PRKN: variants seen among roughly 807,000 people sequenced by gnomAD.
PRKN encodes the protein parkin RBR E3 ubiquitin protein ligase, also known as E3 ubiquitin-protein ligase parkin.
Under a neutral mutation model 59.5 loss-of-function variants are expected in PRKN, and 56 were observed. The observed-to-expected ratio is 0.94, with a 90% CI of 0.76 to 1.18. The LOEUF (loss-of-function observed/expected upper bound fraction) is 1.18. Among genes scored for constraint, PRKN ranks in the 50% most tolerant of loss-of-function variants. PRKN has a pLI of 0.00. For missense variants in PRKN, 657 were observed against 596.4 expected (o/e 1.10, Z -1.06); for synonymous variants, 250 against 222.1 (o/e 1.13, Z -1.12).
At chr6:162,088,120 T>C (rs1216491788) in intron 4 of PRKN, among the ~76,000 whole-genome samples, 1 of 152,124 alleles carries the variant, frequency 6.6e-6, no homozygotes, top group Non-Finnish European at 1.5e-5. Context: ...CACAATATTA[T>C]CCACAGTCTC....
At chr6:162,405,770 G>A (rs984281025) in intron 2 of PRKN, among the ~76,000 whole-genome samples, 4 of 152,098 alleles carry the variant, frequency 2.6e-5, no homozygotes, top group Non-Finnish European at 5.9e-5. Context: ...TGTGCCATCC[G>A]CAAGCCAAGG....
intron 9 of PRKN, among the ~76,000 whole-genome samples, chr6:161,472,234 G>T (rs1436250867): frequency 6.6e-6 from 1 of 152,118 alleles, no homozygotes; most frequent in South Asian, 2.1e-4. Flanking sequence ...GTAAAAATCA[G>T]AACTGTTTGA....
chr6:162,205,461 T>G (rs962694601), intron 3 of PRKN, among the ~76,000 whole-genome samples: 3 of 150,994 alleles, frequency 2.0e-5, no homozygotes, highest in African/African-American at 7.3e-5. Flanking sequence ...TTCATTAACC[T>G]GAGAAGTTTC....
chr6:162,637,828 A>T (rs1777789964), intron 1 of PRKN, among the ~76,000 whole-genome samples: 1 of 152,120 alleles, frequency 6.6e-6, no homozygotes, highest in South Asian at 2.1e-4. Context: ...CTTATTCCTA[A>T]ATTTACTTTG....
At chr6:161,426,429 T>C (rs1788360224) in intron 9 of PRKN, among the ~76,000 whole-genome samples, 1 of 152,022 alleles carries the variant, frequency 6.6e-6, no homozygotes, top group Non-Finnish European at 1.5e-5. Flanking sequence ...GTAGCTAAAA[T>C]ATAAAGCAGG....
rs149145089 is a variant in PRKN, at chr6:161,489,326, G to A, written c.1083+59528C>T. On this transcript the variant is annotated intron_variant, in intron 9 of 11. Transcript: ENST00000366898. ...TGCAACCCCAGCACTTTGGGAGGCC[G>A]AGGTAGGTGGATCACCTGAGTTCAG... Among the ~76,000 whole-genome samples the A allele has an allele frequency of 3.1e-3, 466 of 152,168 alleles. 7 individuals are homozygous for A. Among genetic ancestry groups the A allele is most frequent in the East Asian group, 0.026 (132 of 5,164 alleles).
At chr6:162,381,556 A>T (rs1490204182) in intron 2 of PRKN, among the ~76,000 whole-genome samples, 1 of 152,210 alleles carries the variant, frequency 6.6e-6, no homozygotes, top group Non-Finnish European at 1.5e-5. Context: ...GGAACAAAAG[A>T]TGTTTCCATT....
intron 11 of PRKN, among the ~76,000 whole-genome samples, chr6:161,351,525 A>G (rs964009765): frequency 6.6e-6 from 1 of 151,842 alleles, no homozygotes; most frequent in Non-Finnish European, 1.5e-5. Flanking sequence ...GGGTTTTGCC[A>G]TGTTGGCCAG....
At chr6:161,912,015 T>C (rs1245294786) in intron 6 of PRKN, among the ~76,000 whole-genome samples, 1 of 151,794 alleles carries the variant, frequency 6.6e-6, no homozygotes, top group African/African-American at 2.4e-5. Context: ...CCGTCTCTAC[T>C]AAAAATACAA....
intron 1 of PRKN, among the ~76,000 whole-genome samples, chr6:162,622,668 A>G (rs1782723844): frequency 6.6e-6 from 1 of 152,166 alleles, no homozygotes; most frequent in African/African-American, 2.4e-5. Context: ...CTAAGTGAAA[A>G]ATGACATTGA....
chr6:161,701,370 C>A (rs1786243662), intron 7 of PRKN, among the ~76,000 whole-genome samples: 1 of 152,152 alleles, frequency 6.6e-6, no homozygotes, highest in African/African-American at 2.4e-5. Context: ...CATAGTTACT[C>A]TCTCACTCCC....
chr6:161,833,863 T>C (rs1792624851), intron 6 of PRKN, among the ~76,000 whole-genome samples: 1 of 152,196 alleles, frequency 6.6e-6, no homozygotes, highest in Non-Finnish European at 1.5e-5. Flanking sequence ...CTACTAGATC[T>C]TACCTAGAAC....
At chr6:161,877,231 C>G (rs1794762806) in intron 6 of PRKN, among the ~76,000 whole-genome samples, 1 of 152,044 alleles carries the variant, frequency 6.6e-6, no homozygotes, top group South Asian at 2.1e-4. Context: ...ACTGGTGTCC[C>G]CCACTCCAGC....
chr6:162,335,422 G>A (rs181448825), intron 2 of PRKN, among the ~76,000 whole-genome samples: 16 of 152,158 alleles, frequency 1.1e-4, no homozygotes, highest in African/African-American at 3.4e-4. Flanking sequence ...TAAATGCAGC[G>A]GGAAACCAAA....
chr6:162,079,640 G>T lies in PRKN; in HGVS notation c.535-25466C>A, dbSNP rs979871153. On this transcript the variant is annotated intron_variant, in intron 4 of 11. Transcript: ENST00000366898. Reference sequence around the variant, plus strand: ...GCTCCCTGGTCCCTAACACAGCTCAGGGAGTCTTTTCTCATCTGCCCACTT... The same window carrying T: ...GCTCCCTGGTCCCTAACACAGCTCATGGAGTCTTTTCTCATCTGCCCACTT... Among the ~76,000 whole-genome samples, 3 of 151,928 alleles carry T rather than the reference G, an allele frequency of 2.0e-5. No homozygotes were observed. In the East Asian group the frequency reaches 5.8e-4, roughly 29 times the overall value.
intron 9 of PRKN, among the ~76,000 whole-genome samples, chr6:161,516,312 CA>C (rs1778585358): frequency 1.3e-5 from 2 of 150,750 alleles, no homozygotes; most frequent in Admixed American, 6.6e-5. Flanking sequence ...AAACAATCCG[CA>C]AAAATTAGCT....
At chr6:162,280,336 G>A (rs1261476824) in intron 2 of PRKN, among the ~76,000 whole-genome samples, 1 of 152,112 alleles carries the variant, frequency 6.6e-6, no homozygotes, top group Admixed American at 6.6e-5. Flanking sequence ...TGAAACCAAT[G>A]AGAACAGAGA....
intron 1 of PRKN, among the ~76,000 whole-genome samples, chr6:162,502,314 C>CCA (rs1198906476): frequency 2.6e-5 from 4 of 152,150 alleles, no homozygotes; most frequent in Non-Finnish European, 5.9e-5. Flanking sequence ...GTGTGCACCA[C>CCA]CACACACAGC....
chr6:161,732,741 A>T (rs1787775843), intron 7 of PRKN, among the ~76,000 whole-genome samples: 1 of 152,194 alleles, frequency 6.6e-6, no homozygotes, highest in Non-Finnish European at 1.5e-5. Flanking sequence ...CTTTTTAATC[A>T]GCCATTACAT....
Sources: allele counts gnomAD v4.1 joint callset (sites outside exome capture counted in the v4.1 genomes callset), GRCh38; gene constraint gnomAD v4.1.1; transcripts MANE v1.5; gene names NCBI Gene and HGNC (gene_info 2026-07-23, HGNC 2026-07-21).